The following CLCN3 variants were observed in gnomAD, a reference collection of about 807,000 sequenced individuals.
The protein encoded by CLCN3 is Cl-/H+ antiporter 3.
CLCN3 carries 16 observed loss-of-function variants against 83.4 expected under a neutral mutation model. The ratio of observed to expected loss-of-function variants is 0.19; its 90% confidence interval spans 0.13 to 0.29. The LOEUF is 0.29. CLCN3 is among the 10% of genes least tolerant of loss of function. The pLI is 1.00. For synonymous variants in CLCN3, 322 were observed against 346.2 expected (o/e 0.93, Z 0.78); for missense variants, 544 against 1,006.0 (o/e 0.54, Z 6.21).
Position 169,697,283 on chromosome 4 carries a change from A to G in CLCN3, c.1112A>G (p.Asn371Ser), listed in dbSNP as rs1195330377. The change falls in exon 9 of 13, where the codon AAC (asparagine) becomes AGC (serine). Residue 371 changes from asparagine (N) to serine (S), a missense_variant. Physicochemically the swap from Asn to Ser is conservative, Grantham distance 46. Around this residue, in one of 6 missense-constraint regions of CLCN3, gnomAD observed 194 missense variants for 341.4 expected, o/e 0.57. Coordinates refer to ENST00000513761, the MANE Select transcript of CLCN3 (RefSeq NM_001829.4). ...FVLRSINPFGNSRLVLFYVEY... is the reference protein window; with the variant it reads ...FVLRSINPFGSSRLVLFYVEY... ...TTGAGGTCCATCAATCCATTTGGTA[A>G]CAGCCGTCTGGTCCTTTTTTATGTG... is the stretch of plus-strand genomic sequence containing the variant. 1 of 1,613,878 alleles carries G rather than the reference A, an allele frequency of 6.2e-7. No individual in the cohort carries two copies. Among genetic ancestry groups the G allele is most frequent in the Non-Finnish European group, 8.5e-7 (1 of 1,179,978 alleles).
At chr4:169,662,761 G>A (rs1316760180) in intron 2 of CLCN3, 1 of 152,066 alleles carries the variant, frequency 6.6e-6, no homozygotes. Context: ...TGTCAAGTCT[G>A]GAAGTATAAG....
At chr4:169,674,901 C>T (rs186101748) in intron 2 of CLCN3, among the ~76,000 whole-genome samples, 194 of 152,216 alleles carry the variant, frequency 1.3e-3, no homozygotes, top group Non-Finnish European at 2.2e-3. Flanking sequence ...CAGGTGCACA[C>T]CACCATGCCC....
intron 1 of CLCN3, among the ~76,000 whole-genome samples, chr4:169,633,035 CAG>C (rs35986180): frequency 0.074 from 11,280 of 152,152 alleles, 463 homozygotes; most frequent in African/African-American, 0.12. Context: ...TTGTTTGAGA[CAG>C]AGTCTCACTC....
At chr4:169,716,007 G>A (rs1179952343) in intron 12 of CLCN3, among the ~76,000 whole-genome samples, 3 of 152,138 alleles carry the variant, frequency 2.0e-5, no homozygotes, top group African/African-American at 7.2e-5. Context: ...TTGGGTTGCA[G>A]GGAAGGATAT....
intron 4 of CLCN3, among the ~76,000 whole-genome samples, chr4:169,688,752 A>G (rs1732256070): frequency 6.6e-6 from 1 of 152,210 alleles, no homozygotes; most frequent in African/African-American, 2.4e-5. Flanking sequence ...ACCTCCTGCC[A>G]AGTAGCTGTC....
chr4:169,653,246 G>A (rs917667258), intron 2 of CLCN3, among the ~76,000 whole-genome samples: 2 of 152,212 alleles, frequency 1.3e-5, no homozygotes, highest in Admixed American at 1.3e-4. Context: ...GTGTGTGTGT[G>A]TGTATGTGTT....
chr4:169,623,782 C>T (rs541548283), intron 1 of CLCN3, among the ~76,000 whole-genome samples: 1 of 151,418 alleles, frequency 6.6e-6, no homozygotes, highest in African/African-American at 2.4e-5. Context: ...TTTTTTGTGT[C>T]TTATTTATTT....
At chr4:169,646,472 T>C (rs1730576147) in intron 2 of CLCN3, among the ~76,000 whole-genome samples, 1 of 152,062 alleles carries the variant, frequency 6.6e-6, no homozygotes, top group Non-Finnish European at 1.5e-5. Flanking sequence ...ATACTTTTTT[T>C]TTTCAGTAGA....
In CLCN3 at chr4:169,667,320, G is replaced by A. The variant is rs534160515; in HGVS notation, c.161-12730G>A. 2.0e-5 allele frequency among the ~76,000 whole-genome samples: 3 copies of A among 150,912 alleles called. No homozygotes were observed. The East Asian group carries it at 5.8e-4, about 29-fold the overall frequency. On this transcript the variant is annotated intron_variant, in intron 2 of 12. Coordinates refer to ENST00000513761, the MANE Select transcript of CLCN3 (RefSeq NM_001829.4). ...CCTTTTTTTTTTCTTTTTAACCGCT[G>A]TTACTCAGTTGGAAAAAGAATAATG... is the stretch of plus-strand genomic sequence containing the variant.
In CLCN3 at chr4:169,697,657, G is replaced by A; in HGVS notation, c.1486G>A (p.Val496Ile). ...DIPDRPAGIGVYSAIWQLCLA... is the reference protein window; with the variant it reads ...DIPDRPAGIGIYSAIWQLCLA... Reference sequence around the variant, plus strand: ...TCCTGATCGTCCAGCAGGCATTGGAGTATATTCAGCTATATGGCAGTTATG... The same window carrying A: ...TCCTGATCGTCCAGCAGGCATTGGAATATATTCAGCTATATGGCAGTTATG... The change falls in exon 9 of 13, where the codon GTA (valine) becomes ATA (isoleucine). Residue 496 changes from valine (V) to isoleucine (I), a missense_variant. Physicochemically the swap from Val to Ile is conservative, Grantham distance 29. Transcript: ENST00000513761. 6.2e-7 allele frequency: 1 copy of A among 1,613,816 alleles called. No homozygotes were observed. The highest frequency in any genetic ancestry group is 8.5e-7 in the Non-Finnish European group (1 of 1,179,770).
intron 2 of CLCN3, among the ~76,000 whole-genome samples, chr4:169,667,571 C>T (rs1731290977): frequency 6.6e-6 from 1 of 151,966 alleles, no homozygotes; most frequent in South Asian, 2.1e-4. Flanking sequence ...TTCCTGCTTG[C>T]TGGAGGTATT....
At chr4:169,660,419 G>A (rs4692739) in intron 2 of CLCN3, 1,391,500 of 1,397,716 alleles carry the variant, frequency 1, 692,864 homozygotes, top group East Asian at 1. Context: ...GGAGGAGACA[G>A]TATTCCCCTG....
chr4:169,645,184 G>A (rs767273557), intron 2 of CLCN3, among the ~76,000 whole-genome samples: 27 of 152,136 alleles, frequency 1.8e-4, no homozygotes, highest in African/African-American at 2.7e-4. Context: ...GGGGTCTCTC[G>A]ACAATTCTTG....
chr4:169,641,098 T>C (rs1219760603), intron 2 of CLCN3, among the ~76,000 whole-genome samples: 2 of 151,862 alleles, frequency 1.3e-5, no homozygotes, highest in Non-Finnish European at 2.9e-5. Context: ...CTTTAAAAAA[T>C]AAAAATAAAA....
At chr4:169,636,528 A>G (rs1459312866) in intron 2 of CLCN3, among the ~76,000 whole-genome samples, 2 of 152,188 alleles carry the variant, frequency 1.3e-5, no homozygotes, top group Non-Finnish European at 2.9e-5. Context: ...ATTTCTATCT[A>G]GATTAATTTT....
chr4:169,719,241 T>A (rs373442588), intron 12 of CLCN3, among the ~76,000 whole-genome samples: 2 of 152,128 alleles, frequency 1.3e-5, no homozygotes, highest in South Asian at 4.1e-4. Flanking sequence ...CCGGGACGGG[T>A]GGATCACAAG....
intron 2 of CLCN3, among the ~76,000 whole-genome samples, chr4:169,660,987 T>C (rs184008325): frequency 1.3e-5 from 2 of 152,310 alleles, no homozygotes; most frequent in East Asian, 3.9e-4. Flanking sequence ...TTATTTAATA[T>C]GTATTTCGGC....
intron 1 of CLCN3, among the ~76,000 whole-genome samples, chr4:169,632,869 AACTT>A (rs1185000369): frequency 1.3e-5 from 2 of 152,114 alleles, no homozygotes; most frequent in South Asian, 2.1e-4. Flanking sequence ...ATTATGAGCA[AACTT>A]ACTTTTTGGA....
chr4:169,677,192 T>A (rs1320064331), intron 2 of CLCN3, among the ~76,000 whole-genome samples: 9 of 152,062 alleles, frequency 5.9e-5, no homozygotes, highest in African/African-American at 1.2e-4. Flanking sequence ...CAGTTTTTTT[T>A]AATTCTCTTT....
Sources: gnomAD v4.1 joint callset for allele counts (sites outside exome capture counted in the v4.1 genomes callset) on GRCh38, gnomAD v4.1.1 for gene constraint, gnomAD v4.1.1 regional missense constraint, MANE v1.5 for transcripts, NCBI Gene and HGNC (gene_info 2026-07-23, HGNC 2026-07-21) for gene names.